TRPM2: variants seen among roughly 807,000 people sequenced by gnomAD.
TRPM2 encodes transient receptor potential cation channel subfamily M member 2.
A neutral mutation model predicts 174.0 loss-of-function variants in TRPM2; 161 were observed. The ratio of observed to expected loss-of-function variants is 0.93; its 90% CI spans 0.81 to 1.05. TRPM2 has a LOEUF of 1.05. Ranked by LOEUF, TRPM2 falls within the 50% of genes least tolerant of loss-of-function variation. TRPM2 has a pLI of 0.00. For synonymous variants in TRPM2, 954 were observed against 861.3 expected (o/e 1.11, Z -1.88); for missense variants, 2,057 against 2,038.0 (o/e 1.01, Z -0.18).
rs570910817 is a variant in TRPM2 at position 44,392,831 on chromosome 21, T to C, written c.1794+1206T>C. On this transcript the variant is annotated intron_variant, in intron 11 of 31. Coordinates refer to ENST00000397928, the MANE Select transcript of TRPM2 (RefSeq NM_003307.4). ...CACTGCTGCCCACTGTGTATGCTGGTTTTTTCCGACAGTCAGGTCAGTAAC... is the reference window on the plus strand; with the variant it reads ...CACTGCTGCCCACTGTGTATGCTGGCTTTTTCCGACAGTCAGGTCAGTAAC... 2.0e-3 allele frequency among the ~76,000 whole-genome samples: 297 copies of C among 152,138 alleles called. 1 individual carries two copies. Among genetic ancestry groups the C allele is most frequent in the Middle Eastern group, 0.01 (3 of 294 alleles).
rs1021496300 is a variant in TRPM2 at position 44,378,570 on chromosome 21, C to T, written c.1015-427C>T. On this transcript the variant is annotated intron_variant, in intron 7 of 31. Transcript: ENST00000397928. ...CGATGCTCATGCACACGGCAGAGTC[C>T]TTCCTGCCAGACAGCTTTGTGTCCA... Among the ~76,000 whole-genome samples, 5 of 152,318 alleles carry T rather than the reference C, an allele frequency of 3.3e-5. No homozygotes were observed. The East Asian group carries it at 9.7e-4, about 29-fold the overall frequency.
At chr21:44,378,605 C>G (rs977634413) in intron 7 of TRPM2, among the ~76,000 whole-genome samples, 10 of 152,206 alleles carry the variant, frequency 6.6e-5, no homozygotes, top group Admixed American at 1.3e-4. Flanking sequence ...AGTCCCTTCC[C>G]GAAGTCCAGC....
chr21:44,363,039 T>C (rs1047479760), intron 2 of TRPM2, among the ~76,000 whole-genome samples: 3 of 152,248 alleles, frequency 2.0e-5, no homozygotes, highest in African/African-American at 7.2e-5. Context: ...CCCAAAGGGC[T>C]GGGATTATAG....
At chr21:44,433,966 C>T (rs2051128114) in intron 27 of TRPM2, among the ~76,000 whole-genome samples, 1 of 152,122 alleles carries the variant, frequency 6.6e-6, no homozygotes, top group African/African-American at 2.4e-5. Context: ...CTGGAGGCTG[C>T]CCCGCCAGGC....
At chr21:44,406,871 C>G (rs1164754452) in intron 19 of TRPM2, 106 bp downstream of exon 19, 3 of 1,387,320 alleles carry the variant, frequency 2.2e-6, no homozygotes, top group African/African-American at 1.5e-5. Flanking sequence ...ATCAGGGGGT[C>G]CTGCGGTTCC....
chr21:44,441,495 C>A (rs969689027), intron 31 of TRPM2, among the ~76,000 whole-genome samples, 197 bp from the exon 32 acceptor site: 2 of 152,218 alleles, frequency 1.3e-5, no homozygotes, highest in Non-Finnish European at 2.9e-5. Flanking sequence ...GCACCTGCAT[C>A]TTCTTCCCCT....
At chr21:44,419,350 CCT>C in intron 22 of TRPM2, among the ~76,000 whole-genome samples, 1 of 152,220 alleles carries the variant, frequency 6.6e-6, no homozygotes, top group Admixed American at 6.5e-5. Flanking sequence ...TCCATACCTC[CCT>C]CACCTTGTCT....
At chr21:44,409,725 A>G (rs1367167195) in intron 19 of TRPM2, among the ~76,000 whole-genome samples, 1 of 148,720 alleles carries the variant, frequency 6.7e-6, no homozygotes, top group African/African-American at 2.5e-5. Context: ...GTAGACTTGT[A>G]GTAAGTTTTG....
rs371053751 is a variant in TRPM2 at position 44,425,690 on chromosome 21, G to C, written c.3658G>C (p.Glu1220Gln). ...PTLASQKAAE[E>Q]PDAEPGGRKK... Reference sequence around the variant, plus strand: ...CCCAGCCTCCCAGAAGGCCGCGGAGGAGCCGGATGCTGAGCCGGGAGGCAG... The same window carrying C: ...CCCAGCCTCCCAGAAGGCCGCGGAGCAGCCGGATGCTGAGCCGGGAGGCAG... Residue 1220 changes from glutamate to glutamine, a missense_variant, in exon 25 of 32, where the codon GAG becomes CAG. Glu to Gln is a conservative substitution (Grantham distance 29). Transcript: ENST00000397928. 4 of 1,543,300 alleles carry C rather than the reference G, an allele frequency of 2.6e-6. No individual in the cohort carries two copies. Among genetic ancestry groups the C allele is most frequent in the Admixed American group, 2.0e-5 (1 of 51,084 alleles).
At chr21:44,368,448 T>G (rs1467231112) in intron 4 of TRPM2, among the ~76,000 whole-genome samples, 2 of 147,408 alleles carry the variant, frequency 1.4e-5, no homozygotes, top group East Asian at 4.0e-4. Flanking sequence ...TTTTTGGAGT[T>G]GGAGTCTTGC....
At chr21:44,431,208 T>C (rs2051009920) in intron 27 of TRPM2, among the ~76,000 whole-genome samples, 1 of 152,118 alleles carries the variant, frequency 6.6e-6, no homozygotes, top group African/African-American at 2.4e-5. Flanking sequence ...TAAGACCTGG[T>C]AGGCTGTAAC....
intron 5 of TRPM2, 116 bp from the exon 6 acceptor site, chr21:44,375,717 G>C: frequency 8.1e-7 from 1 of 1,233,928 alleles, no homozygotes; most frequent in Non-Finnish European, 1.1e-6. Context: ...ATAAGGCCAC[G>C]TCCACAGATT....
At chr21:44,419,534 A>G (rs1300645872) in intron 22 of TRPM2, among the ~76,000 whole-genome samples, 2 of 147,608 alleles carry the variant, frequency 1.4e-5, no homozygotes, top group Non-Finnish European at 1.5e-5. Flanking sequence ...GGTGGTGGTG[A>G]TGGTGATGAT....
intron 5 of TRPM2, 51 bp downstream of exon 5, chr21:44,369,394 G>A (rs144577487): frequency 6.4e-7 from 1 of 1,557,818 alleles, no homozygotes; most frequent in Admixed American, 1.8e-5. Flanking sequence ...GTGTGGGTGA[G>A]GTCTGACTGG....
chr21:44,367,814 G>A lies in TRPM2; in HGVS notation c.604+880G>A, dbSNP rs767285746. 2.1e-4 allele frequency among the ~76,000 whole-genome samples: 32 copies of A among 152,214 alleles called. No homozygotes were observed. Among genetic ancestry groups the A allele is most frequent in the Non-Finnish European group, 3.4e-4 (23 of 68,030 alleles). The stretch of plus-strand genomic sequence containing the variant: ...CAGTTTCATTGTCTGCCTGGTGAGC[G>A]TGAGGCACGGCTGCATCTTTTGACC... On this transcript the variant is annotated intron_variant, in intron 4 of 31. Transcript: ENST00000397928. The surrounding 1 kb of genome is among the most constrained non-coding windows in gnomAD (Gnocchi z 4.6).
intron 27 of TRPM2, among the ~76,000 whole-genome samples, chr21:44,429,278 C>CTTTTTTTTTTTTTTTT (rs35708355): frequency 1.8e-4 from 8 of 44,194 alleles, no homozygotes; most frequent in Non-Finnish European, 2.1e-4. Context: ...TTTTCTTTTT[C>CTTTTTTTTTTTTTTTT]TTTTTTTTTT....
At chr21:44,403,892 A>G (rs2049740002) in intron 16 of TRPM2, among the ~76,000 whole-genome samples, 1 of 151,180 alleles carries the variant, frequency 6.6e-6, no homozygotes, top group Admixed American at 6.6e-5. Context: ...ATGCACATAC[A>G]TATACAGCAC....
upstream of TRPM2, among the ~76,000 whole-genome samples, chr21:44,351,739 G>C (rs2146100936): frequency 6.6e-6 from 1 of 152,228 alleles, no homozygotes; most frequent in East Asian, 1.9e-4. Flanking sequence ...CGAGCCATTG[G>C]CCCCCCCACA....
chr21:44,363,986 A>C lies in TRPM2; in HGVS notation c.255-128A>C. The C allele has an allele frequency of 5.1e-6, 5 of 974,214 alleles. No individual in the cohort carries two copies. The South Asian group carries it at 8.7e-5, about 17-fold the overall frequency. 60.3% of individuals were successfully genotyped at this position (974,214 alleles called of 1,614,324 possible). A position where few individuals can be genotyped will look rare whatever the true frequency, so the allele number is the denominator to read the frequency against. ...CCTTTGCTGCCTCCCCCATGGCTGG[A>C]AGGGCAGGTGCTTTGTTTTTGCTGG... On this transcript the variant is annotated intron_variant, in intron 2 of 31. Transcript: ENST00000397928.
Sources: allele counts gnomAD v4.1 joint callset (sites outside exome capture counted in the v4.1 genomes callset), GRCh38; gene constraint gnomAD v4.1.1; non-coding constraint Gnocchi (gnomAD v3.1); transcripts MANE v1.5; gene names NCBI Gene and HGNC (gene_info 2026-07-23, HGNC 2026-07-21).